TNRC6B: variants seen among roughly 807,000 people sequenced by gnomAD.
TNRC6B encodes trinucleotide repeat-containing gene 6B protein.
Under a neutral mutation model 203.6 loss-of-function variants are expected in TNRC6B, and 52 were observed. The observed-to-expected ratio is 0.26, with a 90% CI of 0.20 to 0.32. The LOEUF is 0.32. Among genes scored for constraint, TNRC6B ranks in the 10% least tolerant of loss-of-function variants. The pLI is 1.00. For missense variants in TNRC6B, 1,923 were observed against 2,286.2 expected (o/e 0.84, Z 3.24); for synonymous variants, 838 against 845.7 (o/e 0.99, Z 0.16).
rs1340369676 is a variant in TNRC6B at position 40,264,811 on chromosome 22, G to C, written c.581G>C (p.Gly194Ala). The change falls in exon 5 of 23, where the codon GGG (glycine) becomes GCG (alanine). Residue 194 changes from glycine (G) to alanine (A), a missense_variant. By Grantham distance (60) the Gly-to-Ala change is moderately conservative (BLOSUM62 0). Coordinates refer to ENST00000454349, the MANE Select transcript of TNRC6B (RefSeq NM_001162501.2). ...IHIWDKVIVDGSDMEEWPCIA... is the reference protein window; with the variant it reads ...IHIWDKVIVDASDMEEWPCIA... The stretch of plus-strand genomic sequence containing the variant: ...ATCTGGGACAAGGTGATTGTAGACG[G>C]GTCTGACATGGAAGAGTGGCCTTGT... 1.2e-6 allele frequency: 2 copies of C among 1,613,794 alleles called. No homozygotes were observed. Among genetic ancestry groups the C allele is most frequent in the African/African-American group, 2.7e-5 (2 of 74,868 alleles).
chr22:40,255,801 C>G (rs2070267377), intron 3 of TNRC6B, among the ~76,000 whole-genome samples: 1 of 152,162 alleles, frequency 6.6e-6, no homozygotes, highest in Non-Finnish European at 1.5e-5. Context: ...GTGTAAATCC[C>G]TTCCTGGATA....
intron 1 of TNRC6B, among the ~76,000 whole-genome samples, chr22:40,063,028 A>G (rs1182241746): frequency 6.6e-6 from 1 of 151,480 alleles, no homozygotes; most frequent in Non-Finnish European, 1.5e-5. Flanking sequence ...CTAATTCTAT[A>G]TTTTCTTCTA....
chr22:40,183,938 A>G (rs1261022854), intron 1 of TNRC6B, among the ~76,000 whole-genome samples: 1 of 152,070 alleles, frequency 6.6e-6, no homozygotes, highest in Admixed American at 6.6e-5. Context: ...CTTGTGATTC[A>G]CCTGCCTCGG....
At chr22:40,156,286 C>A in intron 4 of TNRC6B, 1 of 1,121,966 alleles carries the variant, frequency 8.9e-7, no homozygotes, top group South Asian at 1.5e-5. Context: ...ACGTTGGAGA[C>A]ATTGGGGAAC....
At chr22:40,322,742 G>T in intron 22 of TNRC6B, 112 bp from the exon 23 acceptor site, 1 of 1,275,196 alleles carries the variant, frequency 7.8e-7, no homozygotes, top group Non-Finnish European at 1.1e-6. Context: ...CATGGATATG[G>T]CAGCTTCTAG....
At chr22:40,308,680 A>C in intron 16 of TNRC6B, 31 bp downstream of exon 16, 1 of 1,587,104 alleles carries the variant, frequency 6.3e-7, no homozygotes, top group African/African-American at 1.4e-5. Flanking sequence ...TAGAGCCCCC[A>C]ACCCACAGCA....
At chr22:40,261,354 G>A (rs1007470521) in intron 3 of TNRC6B, among the ~76,000 whole-genome samples, 1 of 152,014 alleles carries the variant, frequency 6.6e-6, no homozygotes, top group Non-Finnish European at 1.5e-5. Flanking sequence ...CAAGGCAGGC[G>A]GATCATGAGG....
At chr22:40,293,007 A>G (rs1273068595) in intron 12 of TNRC6B, among the ~76,000 whole-genome samples, 1 of 151,744 alleles carries the variant, frequency 6.6e-6, no homozygotes, top group Non-Finnish European at 1.5e-5. Flanking sequence ...TTGTTGTGCT[A>G]TTTTTACTTG....
intron 21 of TNRC6B, among the ~76,000 whole-genome samples, chr22:40,317,722 A>T (rs951594385): frequency 2.0e-5 from 3 of 152,112 alleles, no homozygotes; most frequent in Non-Finnish European, 4.4e-5. Flanking sequence ...GCACCAAGCC[A>T]CTCTGCCTTT....
intron 1 of TNRC6B, among the ~76,000 whole-genome samples, chr22:40,194,252 C>T (rs546408107): frequency 4.6e-5 from 7 of 152,198 alleles, no homozygotes; most frequent in Admixed American, 2.0e-4. Flanking sequence ...GGGTAAACCC[C>T]GGGCAGAGCA....
intron 1 of TNRC6B, among the ~76,000 whole-genome samples, chr22:40,221,966 C>T (rs1467819667): frequency 6.6e-6 from 1 of 152,142 alleles, no homozygotes; most frequent in East Asian, 1.9e-4. Flanking sequence ...TGTCCTGGCC[C>T]ACCCATCTCA....
chr22:40,098,853 A>G (rs192764266), intron 1 of TNRC6B, among the ~76,000 whole-genome samples: 1 of 152,090 alleles, frequency 6.6e-6, no homozygotes. Flanking sequence ...TCAGCCTCTC[A>G]AAGTGCTGGG....
At chr22:40,257,403 A>G (rs2070296562) in intron 3 of TNRC6B, among the ~76,000 whole-genome samples, 1 of 152,194 alleles carries the variant, frequency 6.6e-6, no homozygotes, top group African/African-American at 2.4e-5. Flanking sequence ...TTATTAGAGC[A>G]CGTAAATGGT....
chr22:40,264,586 T>G, intron 4 of TNRC6B, 102 bp from the exon 5 acceptor site: 1 of 1,290,406 alleles, frequency 7.7e-7, no homozygotes, highest in Non-Finnish European at 1.0e-6. Flanking sequence ...TGGCATGTGA[T>G]CAGCTCTCCT....
Position 40,331,749 on chromosome 22 carries a change from G to T in TNRC6B, c.*8508G>T, listed in dbSNP as rs569359458. 2.6e-6 allele frequency: 1 copy of T among 385,122 alleles called. No individual in the cohort carries two copies. The highest frequency in any genetic ancestry group is 1.3e-4 in the South Asian group (1 of 7,708). 23.9% of individuals were successfully genotyped at this position (385,122 alleles called of 1,614,324 possible). A position where few individuals can be genotyped will look rare whatever the true frequency, so the allele number is the denominator to read the frequency against. On this transcript the variant is annotated 3_prime_UTR_variant, in exon 23 of 23. Coordinates refer to ENST00000454349, the MANE Select transcript of TNRC6B (RefSeq NM_001162501.2). ...AATTGTAACTATGCATTCTGCAAAG[G>T]GGGTGGGGAGGAGAGGGCAGAAAGG...
intron 15 of TNRC6B, among the ~76,000 whole-genome samples, chr22:40,303,208 T>G (rs780762705): frequency 3.8e-4 from 57 of 151,938 alleles, no homozygotes; most frequent in Non-Finnish European, 1.3e-4. Flanking sequence ...TTTTGTATAG[T>G]AGAGATGGGG....
intron 16 of TNRC6B, 50 bp from the exon 17 acceptor site, chr22:40,310,767 T>C (rs2071166490): frequency 6.5e-7 from 1 of 1,538,076 alleles, no homozygotes; most frequent in Non-Finnish European, 8.8e-7. Flanking sequence ...ATAGACAAGT[T>C]CTATTCATAG....
chr22:40,077,714 G>C (rs1016859457), intron 1 of TNRC6B, among the ~76,000 whole-genome samples: 1 of 152,040 alleles, frequency 6.6e-6, no homozygotes, highest in African/African-American at 2.4e-5. Flanking sequence ...CATGATCACT[G>C]TAATCCTCTT....
At chr22:40,130,631 A>T (rs1263468478) in intron 3 of TNRC6B, among the ~76,000 whole-genome samples, 1 of 151,428 alleles carries the variant, frequency 6.6e-6, no homozygotes, top group African/African-American at 2.4e-5. Flanking sequence ...AATGCAAAAA[A>T]AAAAAATTAG....
Sources: allele counts gnomAD v4.1 joint callset (sites outside exome capture counted in the v4.1 genomes callset), GRCh38; gene constraint gnomAD v4.1.1; transcripts MANE v1.5; gene names NCBI Gene and HGNC (gene_info 2026-07-23, HGNC 2026-07-21).